CCDC148: variants seen among roughly 807,000 people sequenced by gnomAD.
The protein encoded by CCDC148 is coiled-coil domain-containing protein 148.
A neutral mutation model predicts 85.7 loss-of-function variants in CCDC148; 89 were observed. The ratio of observed to expected loss-of-function variants is 1.04; its 90% CI spans 0.87 to 1.24. The LOEUF (loss-of-function observed/expected upper bound fraction) is 1.24. Ranked by LOEUF, CCDC148 falls within the 50% of genes most tolerant of loss-of-function variation. The probability of loss-of-function intolerance (pLI) is 0.00; values close to 1 mark genes in which losing one functional copy is unlikely to be tolerated. For synonymous variants in CCDC148, 230 were observed against 213.9 expected (o/e 1.08, Z -0.66); for missense variants, 692 against 671.7 (o/e 1.03, Z -0.33).
At chr2:158,260,855 G>A (rs1689193213) in intron 9 of CCDC148, among the ~76,000 whole-genome samples, 1 of 151,908 alleles carries the variant, frequency 6.6e-6, no homozygotes, top group Admixed American at 6.6e-5. Context: ...ATTACTCAAG[G>A]AAATCAGAGT....
intron 10 of CCDC148, among the ~76,000 whole-genome samples, chr2:158,239,851 A>C (rs1041152579): frequency 3.1e-4 from 47 of 151,914 alleles, no homozygotes; most frequent in African/African-American, 1.1e-3. Context: ...TCTCCTTTTG[A>C]CCATTATATT....
At chr2:158,455,792 T>C (rs931837374) in intron 1 of CCDC148, among the ~76,000 whole-genome samples, 3 of 152,174 alleles carry the variant, frequency 2.0e-5, no homozygotes, top group Non-Finnish European at 4.4e-5. Flanking sequence ...ATAAAATTTA[T>C]TGACAAAAAA....
intron 10 of CCDC148, among the ~76,000 whole-genome samples, chr2:158,240,032 G>A (rs1198460281): frequency 2.6e-5 from 4 of 152,022 alleles, no homozygotes; most frequent in Admixed American, 2.6e-4. Flanking sequence ...ACAAAAGGGA[G>A]GGTAGGAAGC....
chr2:158,394,991 C>G (rs764688854), intron 1 of CCDC148, among the ~76,000 whole-genome samples: 3 of 152,046 alleles, frequency 2.0e-5, no homozygotes, highest in Non-Finnish European at 2.9e-5. Context: ...TTTGTTTTCT[C>G]TTTAATTATT....
chr2:158,396,740 C>T (rs1685538247), intron 1 of CCDC148, among the ~76,000 whole-genome samples: 1 of 152,058 alleles, frequency 6.6e-6, no homozygotes, highest in Admixed American at 6.6e-5. Context: ...TTTCATCATA[C>T]TTTGTTGTAA....
At chr2:158,379,388 T>C (rs2105286877) in intron 1 of CCDC148, among the ~76,000 whole-genome samples, 1 of 152,286 alleles carries the variant, frequency 6.6e-6, no homozygotes, top group East Asian at 1.9e-4. Context: ...ATGAAATCTA[T>C]ACCTGGTGAA....
chr2:158,315,637 G>T (rs1384963185), intron 7 of CCDC148, among the ~76,000 whole-genome samples: 1 of 151,840 alleles, frequency 6.6e-6, no homozygotes, highest in East Asian at 1.9e-4. Flanking sequence ...GATACTGTTG[G>T]TACCACACCC....
intron 1 of CCDC148, among the ~76,000 whole-genome samples, chr2:158,436,154 C>A (rs2105337550): frequency 6.6e-6 from 1 of 152,294 alleles, no homozygotes; most frequent in African/African-American, 2.4e-5. Flanking sequence ...AACTCTCCAC[C>A]CCAAATCATC....
At chr2:158,277,216 G>T (rs561364250) in intron 9 of CCDC148, among the ~76,000 whole-genome samples, 2 of 152,112 alleles carry the variant, frequency 1.3e-5, no homozygotes, top group South Asian at 4.1e-4. Context: ...CAACTCGAGG[G>T]GATGATAACA....
At chr2:158,331,731 T>G (rs1693136882) in intron 7 of CCDC148, among the ~76,000 whole-genome samples, 1 of 152,216 alleles carries the variant, frequency 6.6e-6, no homozygotes, top group Non-Finnish European at 1.5e-5. Flanking sequence ...TAGCTCTTCT[T>G]GTTGAATTGA....
intron 1 of CCDC148, among the ~76,000 whole-genome samples, chr2:158,433,386 G>C (rs1210269750): frequency 6.6e-6 from 1 of 151,486 alleles, no homozygotes; most frequent in Non-Finnish European, 1.5e-5. Context: ...AAAATACTAG[G>C]AGAAAATATC....
At chr2:158,230,047 G>C (rs1380609152) in intron 10 of CCDC148, among the ~76,000 whole-genome samples, 1 of 152,098 alleles carries the variant, frequency 6.6e-6, no homozygotes, top group East Asian at 1.9e-4. Context: ...TTCCAATCAT[G>C]ATTTTACTTG....
At chr2:158,216,809 A>G (rs1054177820) in intron 11 of CCDC148, among the ~76,000 whole-genome samples, 3 of 152,076 alleles carry the variant, frequency 2.0e-5, no homozygotes, top group Non-Finnish European at 4.4e-5. Context: ...TGTGATGTAA[A>G]AGTCAATTGA....
At chr2:158,451,020 T>G (rs934833374) in intron 1 of CCDC148, among the ~76,000 whole-genome samples, 6 of 152,196 alleles carry the variant, frequency 3.9e-5, no homozygotes, top group Non-Finnish European at 8.8e-5. Flanking sequence ...GGTTGGATAG[T>G]TTCTATTAGT....
intron 9 of CCDC148, among the ~76,000 whole-genome samples, chr2:158,272,995 C>A (rs1347969310): frequency 3.9e-5 from 6 of 152,018 alleles, no homozygotes; most frequent in Non-Finnish European, 8.8e-5. Context: ...GATTTAAAGC[C>A]TTGGAAACAT....
chr2:158,398,009 AAAGATCAAAAGAG>A (rs1264326474), intron 1 of CCDC148, among the ~76,000 whole-genome samples: 1 of 152,218 alleles, frequency 6.6e-6, no homozygotes, highest in Admixed American at 6.5e-5. Flanking sequence ...TTAAACCAAC[AAAGATCAAAAGAG>A]ACAAAGAAGG....
chr2:158,286,402 A>G (rs541613288), intron 9 of CCDC148, among the ~76,000 whole-genome samples: 3 of 152,360 alleles, frequency 2.0e-5, no homozygotes, highest in South Asian at 2.1e-4. Flanking sequence ...AATGTATACA[A>G]TGTTCTTTAT....
intron 7 of CCDC148, among the ~76,000 whole-genome samples, chr2:158,330,313 T>C (rs1693029455): frequency 6.6e-6 from 1 of 152,228 alleles, no homozygotes; most frequent in African/African-American, 2.4e-5. Flanking sequence ...ATTACGTTTA[T>C]TGATTTGCAT....
At position 158,368,687 on chromosome 2, in the gene CCDC148, A is replaced by C. The variant is rs74498705; in HGVS notation, c.26-10117T>G. On this transcript the variant is annotated intron_variant, in intron 1 of 13. Transcript: ENST00000283233. The stretch of plus-strand genomic sequence containing the variant: ...GGAAGAACACTTTGATATATAATGG[A>C]ATGATAGTGTCACAATAGCTAGAGG... Among the ~76,000 whole-genome samples, 504 of 152,208 alleles carry C rather than the reference A, an allele frequency of 3.3e-3. 3 individuals carry two copies. The highest frequency in any genetic ancestry group is 0.012 in the African/African-American group (484 of 41,572).
Sources: gnomAD v4.1 joint callset for allele counts (sites outside exome capture counted in the v4.1 genomes callset) on GRCh38, gnomAD v4.1.1 for gene constraint, MANE v1.5 for transcripts, NCBI Gene and HGNC (gene_info 2026-07-23, HGNC 2026-07-21) for gene names.